The following SMC5 variants were observed in gnomAD, a reference collection of about 807,000 sequenced individuals.
SMC5 encodes structural maintenance of chromosomes protein 5.
Under a neutral mutation model 148.3 loss-of-function variants are expected in SMC5, and 88 were observed. The observed-to-expected ratio is 0.59, with a 90% CI of 0.50 to 0.71. The LOEUF (loss-of-function observed/expected upper bound fraction) is 0.71, where lower values mean the gene tolerates loss of function less well. Ranked by LOEUF, SMC5 falls within the 30% of genes least tolerant of loss-of-function variation. The probability of loss-of-function intolerance (pLI) is 0.00; values close to 1 mark genes in which losing one functional copy is unlikely to be tolerated. For missense variants in SMC5, 1,142 were observed against 1,298.9 expected (o/e 0.88, Z 1.86); for synonymous variants, 421 against 432.8 (o/e 0.97, Z 0.34).
At chr9:70,329,044 A>C (rs569650524) in intron 17 of SMC5, among the ~76,000 whole-genome samples, 4 of 152,326 alleles carry the variant, frequency 2.6e-5, no homozygotes, top group Admixed American at 2.6e-4. Context: ...ACCATGCCCT[A>C]AGGCTGCACA....
At position 70,350,205 on chromosome 9, in the gene SMC5, G is replaced by T; in HGVS notation, c.2981G>T (p.Gly994Val). 1 of 1,613,584 alleles carries T rather than the reference G, an allele frequency of 6.2e-7. No homozygotes were observed. Among genetic ancestry groups the T allele is most frequent in the Non-Finnish European group, 8.5e-7 (1 of 1,179,714 alleles). ...TTAACTCCTCATCATCAAAGTGGAG[G>T]TGAAAGAAGTGTTTCTACCATGTTA... ...HELTPHHQSG[G>V]ERSVSTMLYL... The change falls in exon 23 of 25, where the codon GGT becomes GTT. Residue 994 changes from glycine to valine, a missense_variant. Gly to Val is a moderately radical substitution (Grantham distance 109). Transcript: ENST00000361138.
intron 17 of SMC5, among the ~76,000 whole-genome samples, chr9:70,336,393 T>TCTA (rs1381235259): frequency 6.6e-6 from 1 of 152,176 alleles, no homozygotes; most frequent in African/African-American, 2.4e-5. Context: ...AGGTTTGATA[T>TCTA]GCTAGGGCTG....
At chr9:70,316,172 C>A (rs184171328) in intron 13 of SMC5, among the ~76,000 whole-genome samples, 1 of 152,092 alleles carries the variant, frequency 6.6e-6, no homozygotes, top group Non-Finnish European at 1.5e-5. Flanking sequence ...GACTCCAAAC[C>A]GTATGCACTT....
In SMC5 at chr9:70,347,715, C is replaced by A. The variant is rs777434915; in HGVS notation, c.2767C>A (p.Gln923Lys). The A allele has an allele frequency of 6.5e-7, 1 of 1,528,156 alleles. No individual in the cohort carries two copies. Among genetic ancestry groups the A allele is most frequent in the South Asian group, 1.2e-5 (1 of 81,810 alleles). The allele number at this position is 1,528,156 out of a possible 1,614,324, so 94.7% of individuals were successfully genotyped here. ...ELDQYRENISQVKERWLNPLK... is the reference protein window; with the variant it reads ...ELDQYRENISKVKERWLNPLK... ...AGATCAATACAGGGAAAACATTTCA[C>A]AGGTAATTTTTTAGTTTTTAATCTT... Residue 923 changes from glutamine to lysine, a missense_variant and splice_region_variant, in exon 21 of 25, where the codon CAG becomes AAG. Gln to Lys is a moderately conservative substitution (Grantham distance 53). This residue lies in a region of SMC5 where 743 missense variants were observed against 835.7 expected (regional missense o/e 0.89). Transcript: ENST00000361138.
chr9:70,341,255 A>G (rs769886645), intron 17 of SMC5, among the ~76,000 whole-genome samples: 1 of 152,186 alleles, frequency 6.6e-6, no homozygotes, highest in Non-Finnish European at 1.5e-5. Flanking sequence ...ATGCCACCAA[A>G]CAAACTATTA....
chr9:70,287,577 G>A (rs1217125618), intron 8 of SMC5, among the ~76,000 whole-genome samples: 1 of 152,168 alleles, frequency 6.6e-6, no homozygotes, highest in Non-Finnish European at 1.5e-5. Context: ...TCTGATGGTT[G>A]AAGCATGGTG....
chr9:70,274,536 T>C (rs1274069537), intron 3 of SMC5, among the ~76,000 whole-genome samples: 1 of 152,044 alleles, frequency 6.6e-6, no homozygotes, highest in Non-Finnish European at 1.5e-5. Flanking sequence ...TAATATCTTT[T>C]GTTATCTCAT....
At position 70,339,423 on chromosome 9, in the gene SMC5, C is replaced by T. The variant is rs796154401; in HGVS notation, c.2398-4721C>T. Among the ~76,000 whole-genome samples the T allele has an allele frequency of 1.2e-3, 181 of 147,412 alleles. 1 individual carries two copies. The highest frequency in any genetic ancestry group is 4.1e-3 in the African/African-American group (163 of 39,798). On this transcript the variant is annotated intron_variant, in intron 17 of 24. Transcript: ENST00000361138. ...CAGCCTGGGCGACAGAGCGAGACTC[C>T]GTCTCAAAAAAAAAAAAAAAGAGTC...
intron 11 of SMC5, among the ~76,000 whole-genome samples, chr9:70,308,271 A>T (rs189966384): frequency 7.2e-5 from 11 of 152,150 alleles, no homozygotes; most frequent in Non-Finnish European, 1.5e-4. Flanking sequence ...TATATTTAGT[A>T]ATTTGTTCAA....
At chr9:70,305,453 A>G (rs2035472280) in intron 11 of SMC5, 93 bp downstream of exon 11, 6 of 735,938 alleles carry the variant, frequency 8.2e-6, no homozygotes, top group Non-Finnish European at 7.1e-6. Flanking sequence ...GTGATAGCTA[A>G]TTTTACCACC....
chr9:70,327,041 A>G (rs1483952159), intron 17 of SMC5, among the ~76,000 whole-genome samples: 1 of 152,194 alleles, frequency 6.6e-6, no homozygotes, highest in East Asian at 1.9e-4. Context: ...AAAACCTTAA[A>G]GCTTTTAATT....
At chr9:70,328,039 T>C (rs886885587) in intron 17 of SMC5, among the ~76,000 whole-genome samples, 2 of 152,154 alleles carry the variant, frequency 1.3e-5, no homozygotes, top group Non-Finnish European at 2.9e-5. Context: ...GAGAACTCAC[T>C]ATCACAAGAA....
In SMC5 at chr9:70,344,262, AC is replaced by A; in HGVS notation, c.2518del (p.Gln840ArgfsTer33). ...LGAEQTLPQE[Y>X]QTQVPTIPNG... The stretch of plus-strand genomic sequence containing the variant: ...GCAGAGCAGACTCTTCCTCAAGAAT[AC>A]CAGACAGTAAGTATAAAAAGTATAT... On this transcript the variant is annotated frameshift_variant, in exon 18 of 25. Coordinates refer to ENST00000361138, the MANE Select transcript of SMC5 (RefSeq NM_015110.4). LOFTEE classifies it high-confidence loss of function. 2 of 1,450,998 alleles carry A rather than the reference AC, an allele frequency of 1.4e-6. No homozygotes were observed. The highest frequency in any genetic ancestry group is 3.4e-5 in the South Asian group (2 of 59,146). 89.9% of individuals were successfully genotyped at this position (1,450,998 alleles called of 1,614,324 possible).
intron 3 of SMC5, among the ~76,000 whole-genome samples, chr9:70,273,407 A>G (rs1292590204): frequency 2.6e-5 from 4 of 152,020 alleles, no homozygotes; most frequent in African/African-American, 7.2e-5. Context: ...TATACAAAAC[A>G]GTATGTCTTC....
chr9:70,262,424 TG>T (rs1452309373), intron 1 of SMC5, among the ~76,000 whole-genome samples: 1 of 152,118 alleles, frequency 6.6e-6, no homozygotes, highest in East Asian at 1.9e-4. Context: ...CAGCATCACT[TG>T]GTGATTGATT....
intron 8 of SMC5, among the ~76,000 whole-genome samples, chr9:70,286,551 C>G (rs2034907477): frequency 6.6e-6 from 1 of 151,944 alleles, no homozygotes; most frequent in African/African-American, 2.4e-5. Flanking sequence ...ACCTTAACAG[C>G]AAAAACTAAG....
chr9:70,332,629 C>T (rs1301527663), intron 17 of SMC5, among the ~76,000 whole-genome samples: 1 of 151,844 alleles, frequency 6.6e-6, no homozygotes, highest in Non-Finnish European at 1.5e-5. Context: ...GCCAGCATTA[C>T]CTGATACTAA....
At chr9:70,299,189 T>C (rs1218791450) in intron 9 of SMC5, among the ~76,000 whole-genome samples, 1 of 152,012 alleles carries the variant, frequency 6.6e-6, no homozygotes, top group Admixed American at 6.6e-5. Flanking sequence ...AAACATTTAG[T>C]GTTTTATGTG....
intron 11 of SMC5, among the ~76,000 whole-genome samples, chr9:70,305,647 A>G (rs1368184622): frequency 6.6e-6 from 1 of 152,244 alleles, no homozygotes; most frequent in Non-Finnish European, 1.5e-5. Context: ...AGAAAACAAA[A>G]CATAATGATG....
Sources: gnomAD v4.1 joint callset for allele counts (sites outside exome capture counted in the v4.1 genomes callset) on GRCh38, gnomAD v4.1.1 for gene constraint, gnomAD v4.1.1 regional missense constraint, MANE v1.5 for transcripts, NCBI Gene and HGNC (gene_info 2026-07-23, HGNC 2026-07-21) for gene names.